The following TMEM120B variants were observed in gnomAD, a reference collection of about 807,000 sequenced individuals.
The protein encoded by TMEM120B is transmembrane protein 120B.
TMEM120B carries 31 observed loss-of-function variants against 55.5 expected under a neutral mutation model. The ratio of observed to expected loss-of-function variants is 0.56; its 90% CI spans 0.42 to 0.75. The LOEUF (loss-of-function observed/expected upper bound fraction) is 0.75. TMEM120B is among the 30% of genes least tolerant of loss of function. TMEM120B has a pLI of 0.00. For synonymous variants in TMEM120B, 203 were observed against 176.3 expected, an observed-to-expected ratio of 1.15 and a Z score of -1.20; for missense variants, 399 against 425.5, an observed-to-expected ratio of 0.94 and a Z score of 0.55.
At chr12:121,751,858 C>T (rs1315179705) in intron 4 of TMEM120B, among the ~76,000 whole-genome samples, 1 of 152,206 alleles carries the variant, frequency 6.6e-6, no homozygotes, top group Non-Finnish European at 1.5e-5. Context: ...AGGGAAGAGG[C>T]CCTGTCTCTG....
chr12:121,754,880 G>C (rs1323974288), intron 5 of TMEM120B, among the ~76,000 whole-genome samples: 1 of 152,136 alleles, frequency 6.6e-6, no homozygotes, highest in Admixed American at 6.5e-5. Flanking sequence ...CTGTGCCGGT[G>C]CCCCCGGGAA....
At chr12:121,746,522 G>A (rs1416758219) in intron 2 of TMEM120B, among the ~76,000 whole-genome samples, 1 of 151,778 alleles carries the variant, frequency 6.6e-6, no homozygotes, top group Non-Finnish European at 1.5e-5. Flanking sequence ...TTATAGAGAC[G>A]GGGTCTTGCT....
rs200407624 is a variant in TMEM120B at position 121,775,095 on chromosome 12, G to A, written c.871G>A (p.Glu291Lys). 298 of 1,510,056 alleles carry A rather than the reference G, an allele frequency of 2.0e-4. 1 individual carries two copies. Among genetic ancestry groups the A allele is most frequent in the Non-Finnish European group, 2.3e-4 (262 of 1,117,050 alleles). 93.5% of individuals were successfully genotyped at this position (1,510,056 alleles called of 1,614,324 possible). A position where few individuals can be genotyped will look rare whatever the true frequency, so the allele number is the denominator to read the frequency against. ...WQLYNAVTLFELSSHEECREW... is the reference protein window; with the variant it reads ...WQLYNAVTLFKLSSHEECREW... ...GCTCTACAATGCCGTCACGCTGTTT[G>A]AGCTCTCCAGCCACGAGGAATGCAG... The change falls in exon 11 of 12, where the codon GAG becomes AAG. Residue 291 changes from glutamate (E) to lysine (K), a missense_variant. Glu to Lys is a moderately conservative substitution (Grantham distance 56, BLOSUM62 1). Around this residue, in one of 3 missense-constraint regions of TMEM120B, gnomAD observed 260 missense variants for 303.9 expected, o/e 0.86. Coordinates refer to ENST00000449592, the MANE Select transcript of TMEM120B (RefSeq NM_001080825.2). This position sits in a 1 kb window ranked among gnomAD's most constrained non-coding sequence, Gnocchi z 4.3.
In TMEM120B at chr12:121,773,480, C is replaced by G; in HGVS notation, c.739C>G (p.Leu247Val). ...QRGCLYRLRA[L>V]GERNHLDLTV... ...GGGCTGCCTCTACCGGCTGCGGGCC[C>G]TGGGGGAGAGGAACCACCTGGATCT... is the stretch of plus-strand genomic sequence containing the variant. Residue 247 changes from leucine to valine, a missense_variant, in exon 9 of 12, where the codon CTG (leucine) becomes GTG (valine). Coordinates refer to ENST00000449592, the MANE Select transcript of TMEM120B (RefSeq NM_001080825.2). The G allele has an allele frequency of 1.9e-6, 3 of 1,606,410 alleles. No individual in the cohort carries two copies. The highest frequency in any genetic ancestry group is 2.6e-6 in the Non-Finnish European group (3 of 1,176,132).
At chr12:121,720,048 G>T (rs191583463) in intron 1 of TMEM120B, among the ~76,000 whole-genome samples, 44 of 152,240 alleles carry the variant, frequency 2.9e-4, no homozygotes, top group African/African-American at 1.1e-3. Flanking sequence ...TGCCTAGCCT[G>T]CTGCATGCAC....
chr12:121,742,807 A>G (rs1872972952), intron 1 of TMEM120B, among the ~76,000 whole-genome samples: 1 of 151,616 alleles, frequency 6.6e-6, no homozygotes, highest in Non-Finnish European at 1.5e-5. Flanking sequence ...CGAACTCCTG[A>G]CCTCTGATCT....
Position 121,780,819 on chromosome 12 carries a change from TC to T in TMEM120B, c.*5099del, listed in dbSNP as rs1367668508. ...GCACCCCAGTTGCAGAGGCCAAAGGTCCGGGAGGCTTCACAGCCACGGCTGT... is the reference window on the plus strand; with the variant it reads ...GCACCCCAGTTGCAGAGGCCAAAGGTCGGGAGGCTTCACAGCCACGGCTGT... On this transcript the variant is annotated 3_prime_UTR_variant, in exon 12 of 12. Transcript: ENST00000449592. 1 of 1,580,890 alleles carries T rather than the reference TC, an allele frequency of 6.3e-7. No individual in the cohort carries two copies. The highest frequency in any genetic ancestry group is 8.6e-7 in the Non-Finnish European group (1 of 1,165,302).
At chr12:121,745,433 C>T (rs1228924511) in intron 2 of TMEM120B, among the ~76,000 whole-genome samples, 1 of 152,152 alleles carries the variant, frequency 6.6e-6, no homozygotes, top group Non-Finnish European at 1.5e-5. Context: ...CTCTGTTGCC[C>T]AGGCTGGGGT....
chr12:121,743,574 A>C, intron 1 of TMEM120B, 55 bp from the exon 2 acceptor site: 1 of 1,369,852 alleles, frequency 7.3e-7, no homozygotes, highest in Non-Finnish European at 1.0e-6. Flanking sequence ...AAAGAAAAGA[A>C]AATGAGCTGT....
At position 121,774,677 on chromosome 12, in the gene TMEM120B, G is replaced by T; in HGVS notation, c.792G>T (p.Met264Ile). The T allele has an allele frequency of 1.9e-6, 3 of 1,614,040 alleles. No homozygotes were observed. The highest frequency in any genetic ancestry group is 2.5e-6 in the Non-Finnish European group (3 of 1,179,922). ...CCACAGAAGGGTTCCAGTCCTGGAT[G>T]TGGCGGGGCCTCACCTTTCTCCTGC... ...DLTVEGFQSW[M>I]WRGLTFLLPF... The change falls in exon 10 of 12, where the codon ATG becomes ATT. Residue 264 changes from methionine to isoleucine, a missense_variant. Around this residue, in one of 3 missense-constraint regions of TMEM120B, gnomAD observed 260 missense variants for 303.9 expected, o/e 0.86. Transcript: ENST00000449592.
Position 121,779,594 on chromosome 12 carries a change from A to G in TMEM120B, c.*3872A>G. ...CGGCCTCCCGGAAGACGTCCTCCAC[A>G]TTCTCCCGAAACTTGGCGGAACATT... On this transcript the variant is annotated 3_prime_UTR_variant, in exon 12 of 12. Coordinates refer to ENST00000449592, the MANE Select transcript of TMEM120B (RefSeq NM_001080825.2). 2 of 1,614,138 alleles carry G rather than the reference A, an allele frequency of 1.2e-6. No individual in the cohort carries two copies. The highest frequency in any genetic ancestry group is 2.2e-5 in the East Asian group (1 of 44,884).
At chr12:121,732,212 C>T (rs537236807) in intron 1 of TMEM120B, among the ~76,000 whole-genome samples, 6 of 152,322 alleles carry the variant, frequency 3.9e-5, no homozygotes, top group African/African-American at 1.4e-4. Context: ...GCTTGTGAGG[C>T]TGGCACAAGG....
chr12:121,763,589 C>T (rs1360483025), intron 6 of TMEM120B, among the ~76,000 whole-genome samples: 4 of 152,104 alleles, frequency 2.6e-5, no homozygotes, highest in African/African-American at 9.7e-5. Flanking sequence ...ATCACAGGTG[C>T]GTGCCACCAC....
At chr12:121,749,657 G>A (rs891593689) in intron 3 of TMEM120B, among the ~76,000 whole-genome samples, 1 of 152,182 alleles carries the variant, frequency 6.6e-6, no homozygotes, top group Non-Finnish European at 1.5e-5. Context: ...TGTAATCCCA[G>A]CACTTTGGGA....
At chr12:121,725,367 C>T (rs1446981067) in intron 1 of TMEM120B, among the ~76,000 whole-genome samples, 1 of 152,124 alleles carries the variant, frequency 6.6e-6, no homozygotes, top group Non-Finnish European at 1.5e-5. Flanking sequence ...GTGAGGGTCT[C>T]CCGTGTTCTA....
chr12:121,731,823 G>A (rs544190478), intron 1 of TMEM120B, among the ~76,000 whole-genome samples: 4 of 152,248 alleles, frequency 2.6e-5, no homozygotes, highest in African/African-American at 9.6e-5. Context: ...TTTACAAATG[G>A]TTAAAAGTTA....
At chr12:121,759,809 C>T (rs954302335) in intron 5 of TMEM120B, among the ~76,000 whole-genome samples, 1 of 152,000 alleles carries the variant, frequency 6.6e-6, no homozygotes, top group Admixed American at 6.6e-5. Context: ...CCAGCCTGGC[C>T]AACATGGTGA....
intron 1 of TMEM120B, among the ~76,000 whole-genome samples, chr12:121,728,397 G>A (rs1433457608): frequency 6.6e-6 from 1 of 151,774 alleles, no homozygotes; most frequent in African/African-American, 2.4e-5. Context: ...GCTGAGGCAG[G>A]AGAATGGCGT....
Position 121,781,420 on chromosome 12 carries a change from G to A in TMEM120B, c.*5698G>A, listed in dbSNP as rs913282144. Reference sequence around the variant, plus strand: ...CAGGAGGTCAAGGCTACAGTGAGCCGTGATCATGCCACTGCACTCCAGCCT... The same window carrying A: ...CAGGAGGTCAAGGCTACAGTGAGCCATGATCATGCCACTGCACTCCAGCCT... On this transcript the variant is annotated 3_prime_UTR_variant, in exon 12 of 12. Transcript: ENST00000449592. 2.4e-5 allele frequency: 12 copies of A among 505,100 alleles called. No homozygotes were observed. The highest frequency in any genetic ancestry group is 1.4e-4 in the South Asian group (7 of 48,412). 31.3% of individuals were successfully genotyped at this position (505,100 alleles called of 1,614,324 possible). A position where few individuals can be genotyped will look rare whatever the true frequency, so the allele number is the denominator to read the frequency against.
Sources: allele counts gnomAD v4.1 joint callset (sites outside exome capture counted in the v4.1 genomes callset), GRCh38; gene constraint gnomAD v4.1.1; regional missense constraint gnomAD v4.1.1; non-coding constraint Gnocchi (gnomAD v3.1); transcripts MANE v1.5; gene names NCBI Gene and HGNC (gene_info 2026-07-23, HGNC 2026-07-21).